Variants in TTC29 observed in about 807,000 individuals in gnomAD.
The protein encoded by TTC29 is tetratricopeptide repeat protein 29.
In TTC29, 49 loss-of-function variants were observed where a neutral mutation model predicts 58.1. That is an observed-to-expected ratio of 0.84 (90% confidence interval 0.67 to 1.07). TTC29 has a LOEUF of 1.07. TTC29 is among the 50% of genes least tolerant of loss of function. TTC29 has a pLI of 0.00. For synonymous variants in TTC29, 209 were observed against 196.8 expected, an observed-to-expected ratio of 1.06 and a Z score of -0.52; for missense variants, 582 against 555.6, an observed-to-expected ratio of 1.05 and a Z score of -0.48.
At chr4:146,818,335 G>A (rs1204778591) in intron 10 of TTC29, among the ~76,000 whole-genome samples, 3 of 152,220 alleles carry the variant, frequency 2.0e-5, no homozygotes, top group Non-Finnish European at 4.4e-5. Context: ...ATGAGAAAAT[G>A]CTCATCATCA....
At chr4:146,920,349 A>C (rs1211153578) in intron 4 of TTC29, among the ~76,000 whole-genome samples, 1 of 151,128 alleles carries the variant, frequency 6.6e-6, no homozygotes, top group East Asian at 1.9e-4. Context: ...CTAAACATAT[A>C]TTTCCCTATA....
intron 11 of TTC29, among the ~76,000 whole-genome samples, chr4:146,751,946 T>C (rs1411435168): frequency 6.6e-6 from 1 of 151,872 alleles, no homozygotes; most frequent in Non-Finnish European, 1.5e-5. Flanking sequence ...TCAGCTAGTC[T>C]AAGAAAAAGG....
chr4:146,825,899 G>C (rs1727759358), intron 9 of TTC29, among the ~76,000 whole-genome samples: 2 of 151,384 alleles, frequency 1.3e-5, no homozygotes, highest in Admixed American at 1.3e-4. Flanking sequence ...TTTAAAGTCT[G>C]CTTTGTCAGA....
chr4:146,864,226 C>T (rs948767613), intron 8 of TTC29, among the ~76,000 whole-genome samples: 12 of 151,984 alleles, frequency 7.9e-5, no homozygotes, highest in Non-Finnish European at 1.3e-4. Flanking sequence ...TCCCTACCCC[C>T]GAAAACAACA....
At chr4:146,900,457 A>G (rs1733064411) in intron 6 of TTC29, among the ~76,000 whole-genome samples, 2 of 152,248 alleles carry the variant, frequency 1.3e-5, no homozygotes, top group South Asian at 4.1e-4. Flanking sequence ...GTGTAATCTC[A>G]TGGCAGACCC....
intron 4 of TTC29, among the ~76,000 whole-genome samples, chr4:146,929,272 C>T (rs1050609854): frequency 6.6e-6 from 1 of 152,056 alleles, no homozygotes; most frequent in African/African-American, 2.4e-5. Context: ...CAAAAAAATG[C>T]TTTGTTATGA....
chr4:146,712,044 ATATT>A (rs1383525063), intron 11 of TTC29, among the ~76,000 whole-genome samples: 1 of 152,028 alleles, frequency 6.6e-6, no homozygotes, highest in Non-Finnish European at 1.5e-5. Flanking sequence ...AATAAATAGA[ATATT>A]TAACTGTTTA....
chr4:146,854,989 A>T (rs907547491), intron 8 of TTC29, among the ~76,000 whole-genome samples: 12 of 152,030 alleles, frequency 7.9e-5, no homozygotes, highest in Admixed American at 5.9e-4. Flanking sequence ...CATCATCTTC[A>T]TCATTAAAAA....
intron 11 of TTC29, among the ~76,000 whole-genome samples, chr4:146,769,189 G>T (rs1747537126): frequency 6.6e-6 from 1 of 151,844 alleles, no homozygotes; most frequent in Admixed American, 6.6e-5. Flanking sequence ...AAAATTCTTA[G>T]TATCGGTGTT....
At chr4:146,779,343 A>G (rs1001544687) in intron 11 of TTC29, among the ~76,000 whole-genome samples, 2 of 152,114 alleles carry the variant, frequency 1.3e-5, no homozygotes, top group African/African-American at 4.8e-5. Context: ...TTTCCAAATG[A>G]TGTATAATGT....
intron 8 of TTC29, among the ~76,000 whole-genome samples, chr4:146,835,310 A>G (rs1169986797): frequency 6.6e-6 from 1 of 152,146 alleles, no homozygotes; most frequent in African/African-American, 2.4e-5. Context: ...CATAACAAGT[A>G]GCACTTAGAT....
intron 10 of TTC29, among the ~76,000 whole-genome samples, chr4:146,811,276 T>G (rs1471046791): frequency 1.3e-5 from 2 of 152,152 alleles, no homozygotes; most frequent in African/African-American, 4.8e-5. Flanking sequence ...CTTTCACATG[T>G]CACCCTATGA....
chr4:146,745,574 G>T (rs149133481), intron 11 of TTC29, among the ~76,000 whole-genome samples: 1,553 of 152,290 alleles, frequency 0.01, 10 homozygotes, highest in Middle Eastern at 0.02. Context: ...GGTTAGACTT[G>T]TTTAGCTATA....
At chr4:146,842,740 A>C (rs1279578845) in intron 8 of TTC29, among the ~76,000 whole-genome samples, 1 of 152,140 alleles carries the variant, frequency 6.6e-6, no homozygotes, top group Non-Finnish European at 1.5e-5. Flanking sequence ...ACAAAATCCA[A>C]ATTGTGTCAT....
intron 8 of TTC29, among the ~76,000 whole-genome samples, chr4:146,867,210 C>T (rs1471442205): frequency 2.0e-5 from 3 of 151,912 alleles, no homozygotes; most frequent in Non-Finnish European, 4.4e-5. Context: ...TCCTCTTGTC[C>T]TTGTTGATAT....
chr4:146,751,610 GA>G (rs1360569735), intron 11 of TTC29, among the ~76,000 whole-genome samples: 1 of 152,042 alleles, frequency 6.6e-6, no homozygotes, highest in Non-Finnish European at 1.5e-5. Context: ...GGATCAAAGA[GA>G]AAATCTAAAG....
chr4:146,870,740 G>A (rs761971223), intron 7 of TTC29, among the ~76,000 whole-genome samples: 26 of 151,872 alleles, frequency 1.7e-4, no homozygotes, highest in Non-Finnish European at 3.5e-4. Context: ...AGATAAAGTA[G>A]ATGAAATAGA....
chr4:146,927,928 G>A (rs145840695), intron 4 of TTC29, among the ~76,000 whole-genome samples: 4 of 152,248 alleles, frequency 2.6e-5, no homozygotes, highest in East Asian at 3.9e-4. Context: ...ATGCACATAC[G>A]AGCAGAGCAG....
intron 6 of TTC29, among the ~76,000 whole-genome samples, chr4:146,901,150 A>G (rs1377739958): frequency 6.6e-6 from 1 of 152,216 alleles, no homozygotes; most frequent in Non-Finnish European, 1.5e-5. Context: ...ATAAGGAAGA[A>G]CTTAACCCTT....
Sources: gnomAD v4.1 joint callset for allele counts (sites outside exome capture counted in the v4.1 genomes callset) on GRCh38, gnomAD v4.1.1 for gene constraint, MANE v1.5 for transcripts, NCBI Gene and HGNC (gene_info 2026-07-23, HGNC 2026-07-21) for gene names.